CCSER1: variants seen among roughly 807,000 people sequenced by gnomAD.
CCSER1 encodes serine-rich coiled-coil domain-containing protein 1.
Under a neutral mutation model 82.0 loss-of-function variants are expected in CCSER1, and 41 were observed. That is an observed-to-expected ratio of 0.50 (90% CI 0.39 to 0.65). The LOEUF (loss-of-function observed/expected upper bound fraction) is 0.65, where lower values mean the gene tolerates loss of function less well. CCSER1 is among the 30% of genes least tolerant of loss of function. The pLI is 0.00. For synonymous variants in CCSER1, 414 were observed against 383.9 expected, an observed-to-expected ratio of 1.08 and a Z score of -0.92; for missense variants, 1,119 against 1,064.2, an observed-to-expected ratio of 1.05 and a Z score of -0.72.
At chr4:91,516,281 C>T in intron 10 of CCSER1, among the ~76,000 whole-genome samples, 1 of 152,022 alleles carries the variant, frequency 6.6e-6, no homozygotes, top group Non-Finnish European at 1.5e-5. Context: ...GAAATCATTG[C>T]CAGTTTCTAT....
Position 90,999,879 on chromosome 4 carries a change from GTTTTTT to G in CCSER1, c.2172+76443_2172+76448del, listed in dbSNP as rs33987640. On this transcript the variant is annotated intron_variant, in intron 9 of 10. Coordinates refer to ENST00000509176, the MANE Select transcript of CCSER1 (RefSeq NM_001145065.2). ...CCATGTCCAGAATGGTGTTTCTGAG[GTTTTTT>G]TTTTTTTTTTCCCTAGGATTCTTAT... 3.3e-4 allele frequency among the ~76,000 whole-genome samples: 46 copies of G among 137,508 alleles called. No homozygotes were observed. The South Asian group carries it at 3.9e-3, about 12-fold the overall frequency. The allele number at this position is 137,508 out of a possible 152,430, so 90.2% of individuals were successfully genotyped here.
chr4:90,824,140 T>A (rs1275947638), intron 8 of CCSER1, among the ~76,000 whole-genome samples: 1 of 152,044 alleles, frequency 6.6e-6, no homozygotes, highest in African/African-American at 2.4e-5. Flanking sequence ...TTAAAAAAAA[T>A]GTTTAAAAAC....
Position 90,620,377 on chromosome 4 carries a change from A to G in CCSER1, c.1725-7648A>G, listed in dbSNP as rs543476818. ...AATTAATTTAGGCTTGAGCTTTCCTATATATTAAATGGAGATATTATACAT... is the reference window on the plus strand; with the variant it reads ...AATTAATTTAGGCTTGAGCTTTCCTGTATATTAAATGGAGATATTATACAT... On this transcript the variant is annotated intron_variant, in intron 5 of 10. Coordinates refer to ENST00000509176, the MANE Select transcript of CCSER1 (RefSeq NM_001145065.2). Among the ~76,000 whole-genome samples, 13 of 152,258 alleles carry G rather than the reference A, an allele frequency of 8.5e-5. No homozygotes were observed. The South Asian group carries it at 1.2e-3, about 15-fold the overall frequency.
chr4:91,287,986 G>GA (rs935167673), intron 10 of CCSER1, among the ~76,000 whole-genome samples: 1 of 109,188 alleles, frequency 9.2e-6, no homozygotes, highest in East Asian at 2.9e-4. Flanking sequence ...TCTGGTAAAA[G>GA]AAAAAAAATA....
At chr4:90,702,232 C>T (rs758443530) in intron 6 of CCSER1, among the ~76,000 whole-genome samples, 10 of 151,236 alleles carry the variant, frequency 6.6e-5, no homozygotes, top group Non-Finnish European at 1.0e-4. Context: ...TTGAGATAAT[C>T]GTGGTTTTTG....
At chr4:90,304,287 C>T (rs573721027) in intron 1 of CCSER1, among the ~76,000 whole-genome samples, 1 of 152,320 alleles carries the variant, frequency 6.6e-6, no homozygotes, top group African/African-American at 2.4e-5. Context: ...ACCCAGCCAT[C>T]CCATTACTGG....
At chr4:90,791,406 A>C (rs748653629) in intron 7 of CCSER1, among the ~76,000 whole-genome samples, 1 of 151,988 alleles carries the variant, frequency 6.6e-6, no homozygotes, top group Non-Finnish European at 1.5e-5. Flanking sequence ...TACTTTAAGA[A>C]ATTGCCACAG....
chr4:91,452,156 C>T (rs1755905530), intron 10 of CCSER1, among the ~76,000 whole-genome samples: 1 of 151,904 alleles, frequency 6.6e-6, no homozygotes, highest in African/African-American at 2.4e-5. Flanking sequence ...AATCCATAGT[C>T]ATAGGGCAAA....
At chr4:91,094,560 G>A (rs960043437) in intron 10 of CCSER1, among the ~76,000 whole-genome samples, 3 of 152,108 alleles carry the variant, frequency 2.0e-5, no homozygotes, top group African/African-American at 7.2e-5. Context: ...GATTGTCAAG[G>A]AACTATAATC....
chr4:90,446,072 G>A (rs1247489115), intron 4 of CCSER1, among the ~76,000 whole-genome samples: 2 of 152,040 alleles, frequency 1.3e-5, no homozygotes, highest in African/African-American at 4.8e-5. Flanking sequence ...ACATGAAGTG[G>A]GATAGAAAAG....
intron 1 of CCSER1, among the ~76,000 whole-genome samples, chr4:90,207,431 G>C (rs971128791): frequency 6.6e-6 from 1 of 152,020 alleles, no homozygotes; most frequent in African/African-American, 2.4e-5. Context: ...CTTGCATTGG[G>C]TTAGAACATG....
At chr4:91,543,120 C>T (rs965438589) in intron 10 of CCSER1, among the ~76,000 whole-genome samples, 4 of 152,104 alleles carry the variant, frequency 2.6e-5, no homozygotes, top group African/African-American at 9.7e-5. Context: ...ACTAGGATTG[C>T]AACCCCTGCC....
intron 7 of CCSER1, among the ~76,000 whole-genome samples, chr4:90,813,525 C>T (rs1347847402): frequency 6.6e-6 from 1 of 152,110 alleles, no homozygotes; most frequent in Non-Finnish European, 1.5e-5. Context: ...TGGGAGGAAC[C>T]CCGGGGGAGG....
At chr4:91,467,629 T>G (rs1163706348) in intron 10 of CCSER1, among the ~76,000 whole-genome samples, 2 of 152,168 alleles carry the variant, frequency 1.3e-5, no homozygotes. Context: ...ATCCAGAGTC[T>G]ACAAAGAACT....
At chr4:90,387,726 A>G (rs544735202) in intron 3 of CCSER1, among the ~76,000 whole-genome samples, 104 of 152,298 alleles carry the variant, frequency 6.8e-4, no homozygotes, top group African/African-American at 2.4e-3. Context: ...GCAGTACTCC[A>G]TCTATGTTGC....
chr4:90,864,637 C>T (rs997801180), intron 8 of CCSER1, among the ~76,000 whole-genome samples: 1 of 151,962 alleles, frequency 6.6e-6, no homozygotes, highest in Non-Finnish European at 1.5e-5. Context: ...GTGGTATTCT[C>T]TTATAGCAGC....
intron 6 of CCSER1, among the ~76,000 whole-genome samples, chr4:90,653,067 C>CTA (rs34511738): frequency 0.51 from 77,666 of 151,588 alleles, 20,110 homozygotes; most frequent in Middle Eastern, 0.67. Context: ...TAACTGCCAT[C>CTA]TTTCTTACCA....
At chr4:91,371,089 C>T (rs1238656566) in intron 10 of CCSER1, among the ~76,000 whole-genome samples, 1 of 152,138 alleles carries the variant, frequency 6.6e-6, no homozygotes, top group East Asian at 1.9e-4. Context: ...TCTCGAACTC[C>T]TGACCTCAGG....
intron 10 of CCSER1, among the ~76,000 whole-genome samples, chr4:91,441,672 A>G (rs1755163447): frequency 1.3e-5 from 2 of 152,196 alleles, no homozygotes; most frequent in Non-Finnish European, 2.9e-5. Context: ...GAAAAGAGGA[A>G]GTCAAATTGT....
Sources: allele counts gnomAD v4.1 joint callset (sites outside exome capture counted in the v4.1 genomes callset), GRCh38; gene constraint gnomAD v4.1.1; transcripts MANE v1.5; gene names NCBI Gene and HGNC (gene_info 2026-07-23, HGNC 2026-07-21).